The following ZMAT4 variants were observed in gnomAD, a reference collection of about 807,000 sequenced individuals.
ZMAT4 encodes the protein zinc finger matrin-type 4, also known as zinc finger matrin-type protein 4.
In ZMAT4, 17 loss-of-function variants were observed where a neutral mutation model predicts 28.7. The observed-to-expected ratio is 0.59, with a 90% confidence interval of 0.41 to 0.89. The LOEUF (loss-of-function observed/expected upper bound fraction) is 0.89. Among genes scored for constraint, ZMAT4 ranks in the 40% least tolerant of loss-of-function variants. The pLI, the probability that ZMAT4 is intolerant of heterozygous loss-of-function variation, is 0.00. For synonymous variants in ZMAT4, 117 were observed against 109.2 expected (o/e 1.07, Z -0.44); for missense variants, 240 against 283.8 (o/e 0.85, Z 1.11).
chr8:40,698,585 G>A (rs1809995968), intron 3 of ZMAT4, among the ~76,000 whole-genome samples: 1 of 152,200 alleles, frequency 6.6e-6, no homozygotes, highest in Non-Finnish European at 1.5e-5. Flanking sequence ...TGGATGGTGA[G>A]GAGGATGAGG....
chr8:40,538,179 G>A (rs374964710), intron 6 of ZMAT4, among the ~76,000 whole-genome samples: 137 of 152,262 alleles, frequency 9.0e-4, no homozygotes, highest in African/African-American at 3.1e-3. Context: ...TTTCTCGGGA[G>A]CCTACTATCT....
chr8:40,764,498 AG>A (rs1327262121), intron 3 of ZMAT4, among the ~76,000 whole-genome samples: 9 of 152,100 alleles, frequency 5.9e-5, no homozygotes, highest in African/African-American at 2.2e-4. Context: ...GGGTGGGAGC[AG>A]GGTTCATACA....
At chr8:40,601,592 AAG>A (rs1479413154) in intron 5 of ZMAT4, among the ~76,000 whole-genome samples, 6 of 7,900 alleles carry the variant, frequency 7.6e-4, no homozygotes, top group African/African-American at 1.8e-3. Flanking sequence ...GAAAGAAAGA[AAG>A]AAAGAAAGAA....
chr8:40,646,881 C>G (rs118132994), intron 5 of ZMAT4, among the ~76,000 whole-genome samples: 1 of 152,126 alleles, frequency 6.6e-6, no homozygotes, highest in Admixed American at 6.5e-5. Flanking sequence ...ACACTTCACT[C>G]GTAAAAAACA....
At chr8:40,812,935 A>AAAATAAAATAAAATAAAATT (rs1254447514) in intron 2 of ZMAT4, among the ~76,000 whole-genome samples, 10 of 78,042 alleles carry the variant, frequency 1.3e-4, no homozygotes, top group African/African-American at 4.1e-4. Flanking sequence ...CTCCATCTCA[A>AAAATAAAATAAAATAAAATT]AAATTAAATT....
At chr8:40,845,562 A>G (rs1043576600) in intron 1 of ZMAT4, among the ~76,000 whole-genome samples, 2 of 152,088 alleles carry the variant, frequency 1.3e-5, no homozygotes, top group African/African-American at 4.8e-5. Flanking sequence ...GCCTTCTGAA[A>G]AAAAAAATAA....
chr8:40,571,148 A>T (rs1438544276), intron 6 of ZMAT4, among the ~76,000 whole-genome samples: 2 of 152,162 alleles, frequency 1.3e-5, no homozygotes, highest in Non-Finnish European at 2.9e-5. Flanking sequence ...GCTAAACAAT[A>T]TTAAGTGTCA....
At chr8:40,862,023 G>A (rs1326399488) in intron 1 of ZMAT4, among the ~76,000 whole-genome samples, 1 of 152,206 alleles carries the variant, frequency 6.6e-6, no homozygotes, top group Non-Finnish European at 1.5e-5. Flanking sequence ...AATTCCTCCA[G>A]GATCTAGAAC....
intron 3 of ZMAT4, among the ~76,000 whole-genome samples, chr8:40,753,044 TG>T (rs1812522831): frequency 1.6e-5 from 2 of 123,430 alleles, no homozygotes; most frequent in African/African-American, 6.1e-5. Context: ...TCCCTCCCCT[TG>T]CCCCCCACCC....
chr8:40,667,422 G>A (rs896342823), intron 5 of ZMAT4, among the ~76,000 whole-genome samples: 1 of 152,122 alleles, frequency 6.6e-6, no homozygotes, highest in Middle Eastern at 3.2e-3. Flanking sequence ...CCAAAGTGCT[G>A]GGATTACAGG....
chr8:40,857,264 A>C (rs1470711860), intron 1 of ZMAT4, among the ~76,000 whole-genome samples: 1 of 152,192 alleles, frequency 6.6e-6, no homozygotes, highest in Admixed American at 6.5e-5. Flanking sequence ...CTGAGGCAGA[A>C]GGATCGTTTG....
chr8:40,845,212 T>C (rs982534233), intron 1 of ZMAT4, among the ~76,000 whole-genome samples: 12 of 152,208 alleles, frequency 7.9e-5, no homozygotes, highest in Non-Finnish European at 1.3e-4. Context: ...TCCTCCTGAA[T>C]GAAGTGTGTG....
intron 6 of ZMAT4, among the ~76,000 whole-genome samples, chr8:40,572,616 G>A (rs1804133630): frequency 6.6e-6 from 1 of 152,110 alleles, no homozygotes; most frequent in South Asian, 2.1e-4. Context: ...TACTCACAGT[G>A]CGTTTACATT....
At chr8:40,867,534 T>C (rs1817719234) in intron 1 of ZMAT4, among the ~76,000 whole-genome samples, 1 of 152,174 alleles carries the variant, frequency 6.6e-6, no homozygotes, top group Admixed American at 6.5e-5. Flanking sequence ...TGCCTCTTCG[T>C]CCAAACCATT....
intron 4 of ZMAT4, among the ~76,000 whole-genome samples, chr8:40,689,214 T>TTGTGGACGC (rs937985077): frequency 2.6e-5 from 4 of 152,190 alleles, no homozygotes; most frequent in Admixed American, 6.5e-5. Context: ...GACCTCCAGC[T>TTGTGGACGC]TGTGGACGCT....
intron 5 of ZMAT4, among the ~76,000 whole-genome samples, chr8:40,667,670 C>T (rs1808479548): frequency 6.6e-6 from 1 of 151,976 alleles, no homozygotes; most frequent in Non-Finnish European, 1.5e-5. Context: ...ACCATGGGAT[C>T]TATACTAAGT....
intron 5 of ZMAT4, among the ~76,000 whole-genome samples, chr8:40,591,382 G>A (rs943440228): frequency 1.3e-5 from 2 of 152,160 alleles, no homozygotes; most frequent in Non-Finnish European, 2.9e-5. Context: ...CACCCTCAAG[G>A]TTGCTGAATC....
At chr8:40,874,305 A>C (rs1817965106) in intron 1 of ZMAT4, among the ~76,000 whole-genome samples, 1 of 152,228 alleles carries the variant, frequency 6.6e-6, no homozygotes, top group African/African-American at 2.4e-5. Context: ...AGCACTGGGC[A>C]TTCTTTTGCA....
chr8:40,737,840 A>T (rs1811837474), intron 3 of ZMAT4, among the ~76,000 whole-genome samples: 1 of 151,986 alleles, frequency 6.6e-6, no homozygotes, highest in African/African-American at 2.4e-5. Flanking sequence ...AGAGGATAAT[A>T]GTACCTACAT....
Sources: gnomAD v4.1 joint callset for allele counts (sites outside exome capture counted in the v4.1 genomes callset) on GRCh38, gnomAD v4.1.1 for gene constraint, MANE v1.5 for transcripts, NCBI Gene and HGNC (gene_info 2026-07-23, HGNC 2026-07-21) for gene names.